The following KCNQ1 variants were observed in gnomAD, a reference collection of about 807,000 sequenced individuals.
KCNQ1 encodes potassium voltage-gated channel subfamily KQT member 1.
A neutral mutation model predicts 72.4 loss-of-function variants in KCNQ1; 49 were observed. The ratio of observed to expected loss-of-function variants is 0.68; its 90% CI spans 0.54 to 0.86. The LOEUF (loss-of-function observed/expected upper bound fraction) is 0.86. KCNQ1 is among the 40% of genes least tolerant of loss of function. The pLI is 0.00. For synonymous variants in KCNQ1, 450 were observed against 412.6 expected (o/e 1.09, Z -1.10); for missense variants, 790 against 945.1 (o/e 0.84, Z 2.15).
At chr11:2,510,154 C>T (rs1847174981) in intron 1 of KCNQ1, among the ~76,000 whole-genome samples, 1 of 151,890 alleles carries the variant, frequency 6.6e-6, no homozygotes, top group African/African-American at 2.4e-5. Flanking sequence ...TGGCACATAC[C>T]TGTGGTCCCA....
At position 2,662,094 on chromosome 11, in the gene KCNQ1, A is replaced by G. The variant is rs532874422; in HGVS notation, c.1514+13A>G. ...CCCACATCTCACAGTGAGTGCCTAC[A>G]TGTGCGTGAAGGGCTGGGCTGGAGG... is the stretch of plus-strand genomic sequence containing the variant. On this transcript the variant is annotated intron_variant, in intron 11 of 15. Coordinates refer to ENST00000155840, the MANE Select transcript of KCNQ1 (RefSeq NM_000218.3). The G allele has an allele frequency of 8.1e-6, 13 of 1,614,146 alleles. No homozygotes were observed. The Admixed American group carries it at 1.2e-4, about 14-fold the overall frequency.
At chr11:2,512,510 C>T (rs1285044931) in intron 1 of KCNQ1, among the ~76,000 whole-genome samples, 1 of 152,256 alleles carries the variant, frequency 6.6e-6, no homozygotes, top group African/African-American at 2.4e-5. Context: ...CCAGTCTTCC[C>T]TCAAGACAAG....
rs547136959 is a variant in KCNQ1, at chr11:2,734,894, G to A, written c.1515-33950G>A. On this transcript the variant is annotated intron_variant, in intron 11 of 15. Transcript: ENST00000155840. The surrounding 1 kb of genome is among the most constrained non-coding windows in gnomAD (Gnocchi z 7.0). ...TTCCCAGGCCCCGGCTGGGACCACCGCAGAGGTGATGTCTCCAGGAGGCTT... is the reference window on the plus strand; with the variant it reads ...TTCCCAGGCCCCGGCTGGGACCACCACAGAGGTGATGTCTCCAGGAGGCTT... Among the ~76,000 whole-genome samples the A allele has an allele frequency of 1.2e-4, 18 of 152,114 alleles. No individual in the cohort carries two copies. Among genetic ancestry groups the A allele is most frequent in the South Asian group, 2.1e-4 (1 of 4,792 alleles).
intron 8 of KCNQ1, among the ~76,000 whole-genome samples, chr11:2,586,337 G>T (rs1016046681): frequency 2.6e-5 from 4 of 152,218 alleles, no homozygotes; most frequent in African/African-American, 4.8e-5. Flanking sequence ...CCATCGGGGG[G>T]GCTGTGTGCT....
chr11:2,765,855 T>C (rs117303550), intron 11 of KCNQ1, among the ~76,000 whole-genome samples: 2,525 of 152,324 alleles, frequency 0.017, 110 homozygotes, highest in East Asian at 0.13. Context: ...TGGATTTATA[T>C]AGTTGTTTTT....
In KCNQ1 at chr11:2,817,603, G is replaced by C. The variant is rs1028434521; in HGVS notation, c.1795-30164G>C. Among the ~76,000 whole-genome samples, 1 of 151,838 alleles carries C rather than the reference G, an allele frequency of 6.6e-6. No individual in the cohort carries two copies. The highest frequency in any genetic ancestry group is 1.5e-5 in the Non-Finnish European group (1 of 67,924). On this transcript the variant is annotated intron_variant, in intron 15 of 15. Transcript: ENST00000155840. This position sits in a 1 kb window ranked among gnomAD's most constrained non-coding sequence, Gnocchi z 6.1. ...GTCCCTGGCCAGGGAGGTGGAGGAC[G>C]CTGGGCAGAGCCCTGGGCATTAACT...
rs565730774 is a variant in KCNQ1, at chr11:2,484,356, G to A, written c.386+38872G>A. Among the ~76,000 whole-genome samples the A allele has an allele frequency of 1.4e-3, 207 of 152,190 alleles. No homozygotes were observed. The highest frequency in any genetic ancestry group is 4.8e-3 in the African/African-American group (201 of 41,516). ...TATTTTGTATTTTTAGTGGAGACGG[G>A]GTTTCATCATGTTGGCCAGGCTGGT... On this transcript the variant is annotated intron_variant, in intron 1 of 15. Coordinates refer to ENST00000155840, the MANE Select transcript of KCNQ1 (RefSeq NM_000218.3). This position sits in a 1 kb window ranked among gnomAD's most constrained non-coding sequence, Gnocchi z 5.2.
At position 2,627,507 on chromosome 11, in the gene KCNQ1, G is replaced by T. The variant is rs76008873; in HGVS notation, c.1394-34454G>T. The T allele has an allele frequency of 6.2e-3, 2,468 of 398,458 alleles. 53 individuals are homozygous for T. Among genetic ancestry groups the T allele is most frequent in the African/African-American group, 0.045 (2,197 of 48,690 alleles). 24.7% of individuals were successfully genotyped at this position (398,458 alleles called of 1,614,324 possible). A position where few individuals can be genotyped will look rare whatever the true frequency, so the allele number is the denominator to read the frequency against. On this transcript the variant is annotated intron_variant, in intron 10 of 15. Coordinates refer to ENST00000155840, the MANE Select transcript of KCNQ1 (RefSeq NM_000218.3). The surrounding 1 kb of genome is among the most constrained non-coding windows in gnomAD (Gnocchi z 4.9). ...ACCCTTCTACTCTCCGTTTCTCTGA[G>T]TTCAAGCTTTTTAGAATTCCATATG...
rs1847364484 is a variant in KCNQ1, at chr11:2,520,543, T to G, written c.387-7385T>G. Among the ~76,000 whole-genome samples the G allele has an allele frequency of 2.6e-5, 4 of 152,220 alleles. No homozygotes were observed. In the South Asian group the frequency reaches 8.3e-4, roughly 32 times the overall value. ...GCCACTGGTGAGGGGGGTGACCAGC[T>G]GGTAGCTTTTTCTGAGGTGCAGATT... On this transcript the variant is annotated intron_variant, in intron 1 of 15. Coordinates refer to ENST00000155840, the MANE Select transcript of KCNQ1 (RefSeq NM_000218.3).
chr11:2,848,151 G>C lies in KCNQ1; in HGVS notation c.*148G>C. On this transcript the variant is annotated 3_prime_UTR_variant, in exon 16 of 16. Transcript: ENST00000155840. ...GCCCCAATACCCCATGGACCATGCTGTCTGGCACAGCCTGCACTTGGGGGC... is the reference window on the plus strand; with the variant it reads ...GCCCCAATACCCCATGGACCATGCTCTCTGGCACAGCCTGCACTTGGGGGC... 1.3e-6 allele frequency: 1 copy of C among 771,826 alleles called. No individual in the cohort carries two copies. The highest frequency in any genetic ancestry group is 1.5e-5 in the South Asian group (1 of 67,026). The allele number at this position is 771,826 out of a possible 1,614,324, so 47.8% of individuals were successfully genotyped here. A position where few individuals can be genotyped will look rare whatever the true frequency, so the allele number is the denominator to read the frequency against.
At chr11:2,656,076 C>T (rs924305649) in intron 10 of KCNQ1, 4 of 398,532 alleles carry the variant, frequency 1.0e-5, no homozygotes, top group African/African-American at 6.2e-5. Context: ...TGGAGATGGG[C>T]ACTTGTCATC....
chr11:2,676,470 G>T lies in KCNQ1; in HGVS notation c.1514+14389G>T, dbSNP rs753355144. 1 of 398,556 alleles carries T rather than the reference G, an allele frequency of 2.5e-6. No individual in the cohort carries two copies. The highest frequency in any genetic ancestry group is 2.1e-5 in the African/African-American group (1 of 48,634). 24.7% of individuals were successfully genotyped at this position (398,556 alleles called of 1,614,324 possible). ...CACTGTTCTGCTCAGATTGTTAGCTGTAGTCTTTCTGGCATCAGTTCCATT... is the reference window on the plus strand; with the variant it reads ...CACTGTTCTGCTCAGATTGTTAGCTTTAGTCTTTCTGGCATCAGTTCCATT... On this transcript the variant is annotated intron_variant, in intron 11 of 15. Coordinates refer to ENST00000155840, the MANE Select transcript of KCNQ1 (RefSeq NM_000218.3). This position sits in a 1 kb window ranked among gnomAD's most constrained non-coding sequence, Gnocchi z 4.2.
At position 2,507,506 on chromosome 11, in the gene KCNQ1, G is replaced by C. The variant is rs566319741; in HGVS notation, c.387-20422G>C. Among the ~76,000 whole-genome samples, 7 of 152,322 alleles carry C rather than the reference G, an allele frequency of 4.6e-5. No homozygotes were observed. Among genetic ancestry groups the C allele is most frequent in the African/African-American group, 1.7e-4 (7 of 41,562 alleles). On this transcript the variant is annotated intron_variant, in intron 1 of 15. Transcript: ENST00000155840. This position sits in a 1 kb window ranked among gnomAD's most constrained non-coding sequence, Gnocchi z 5.4. The stretch of plus-strand genomic sequence containing the variant: ...GTAGATAAGGTGGCGGGTGCAGCGG[G>C]AGGAAGAGAAAAGGATGCTGCTGGG...
In KCNQ1 at chr11:2,588,523, C is replaced by G. The variant is rs1027762941; in HGVS notation, c.1252-190C>G. On this transcript the variant is annotated intron_variant, in intron 9 of 15. Transcript: ENST00000155840. This position sits in a 1 kb window ranked among gnomAD's most constrained non-coding sequence, Gnocchi z 5.6. Reference sequence around the variant, plus strand: ...AGGGCAGCACCTGGGCCAAGCCCCCCACGTGACCCCCAGCAGCCCTGCCCT... The same window carrying G: ...AGGGCAGCACCTGGGCCAAGCCCCCGACGTGACCCCCAGCAGCCCTGCCCT... 6.6e-6 allele frequency among the ~76,000 whole-genome samples: 1 copy of G among 152,218 alleles called. No homozygotes were observed. Among genetic ancestry groups the G allele is most frequent in the Admixed American group, 6.5e-5 (1 of 15,284 alleles).
intron 11 of KCNQ1, chr11:2,672,542 C>T: frequency 2.5e-6 from 1 of 398,674 alleles, no homozygotes; most frequent in Non-Finnish European, 4.4e-6. Flanking sequence ...GCCTGTCTTC[C>T]ACATTGGAAG....
chr11:2,660,966 A>C, intron 10 of KCNQ1: 1 of 398,640 alleles, frequency 2.5e-6, no homozygotes. Context: ...GGCCAATCTA[A>C]ACTGTGGACT....
intron 1 of KCNQ1, among the ~76,000 whole-genome samples, chr11:2,487,372 C>A (rs1035896888): frequency 6.6e-6 from 1 of 152,108 alleles, no homozygotes; most frequent in African/African-American, 2.4e-5. Context: ...CTTGAGATTC[C>A]ATATGAATTT....
chr11:2,539,136 G>T (rs1847782466), intron 2 of KCNQ1, among the ~76,000 whole-genome samples: 1 of 152,132 alleles, frequency 6.6e-6, no homozygotes. Context: ...TGGTCCCTCT[G>T]GGGGGCAAGG....
At position 2,608,300 on chromosome 11, in the gene KCNQ1, G is replaced by C; in HGVS notation, c.1393+19446G>C. ...AATTCAATCTCTTTAACTTATTACA[G>C]ATCCATTCACATTTTCTACTTATTT... On this transcript the variant is annotated intron_variant, in intron 10 of 15. Transcript: ENST00000155840. The surrounding 1 kb of genome is among the most constrained non-coding windows in gnomAD (Gnocchi z 4.6). 1 of 398,084 alleles carries C rather than the reference G, an allele frequency of 2.5e-6. No homozygotes were observed. The highest frequency in any genetic ancestry group is 4.4e-6 in the Non-Finnish European group (1 of 225,954). The allele number at this position is 398,084 out of a possible 1,614,324, so 24.7% of individuals were successfully genotyped here.
Sources: allele counts gnomAD v4.1 joint callset (sites outside exome capture counted in the v4.1 genomes callset), GRCh38; gene constraint gnomAD v4.1.1; non-coding constraint Gnocchi (gnomAD v3.1); transcripts MANE v1.5; gene names NCBI Gene and HGNC (gene_info 2026-07-23, HGNC 2026-07-21).